MLLT3: variants seen among roughly 807,000 people sequenced by gnomAD.
MLLT3 encodes the protein MLLT3 super elongation complex subunit.
MLLT3 carries 4 observed loss-of-function variants against 53.2 expected under a neutral mutation model. The ratio of observed to expected loss-of-function variants is 0.08; its 90% CI spans 0.04 to 0.17. MLLT3 has a LOEUF of 0.17. MLLT3 is among the 10% of genes least tolerant of loss of function. The pLI is 1.00. For missense variants in MLLT3, 569 were observed against 684.0 expected, an observed-to-expected ratio of 0.83 and a Z score of 1.87; for synonymous variants, 283 against 230.6, an observed-to-expected ratio of 1.23 and a Z score of -2.06.
At chr9:20,355,752 C>T (rs1361197386) in intron 8 of MLLT3, among the ~76,000 whole-genome samples, 2 of 152,146 alleles carry the variant, frequency 1.3e-5, no homozygotes, top group Admixed American at 6.5e-5. Context: ...CATTATAACT[C>T]ATTATGAAGT....
intron 5 of MLLT3, among the ~76,000 whole-genome samples, chr9:20,387,898 T>C (rs990809136): frequency 6.6e-6 from 1 of 152,218 alleles, no homozygotes; most frequent in Non-Finnish European, 1.5e-5. Context: ...TTTAAATATC[T>C]GGAAGTTCCA....
chr9:20,580,797 C>G (rs1348105472), intron 2 of MLLT3, among the ~76,000 whole-genome samples: 2 of 152,218 alleles, frequency 1.3e-5, no homozygotes, highest in Non-Finnish European at 2.9e-5. Flanking sequence ...ACGTAGCATT[C>G]TAATCATACA....
rs1395517774 is a variant in MLLT3, at chr9:20,545,873, A to AT, written c.193+74780_193+74781insA. On this transcript the variant is annotated intron_variant, in intron 2 of 10. Coordinates refer to ENST00000380338, the MANE Select transcript of MLLT3 (RefSeq NM_004529.4). ...GTCTCTACCAAAAAAAAAAAAAAAAAAAAAATTAAAAATTAGCATCTCCAG... is the reference window on the plus strand; with the variant it reads ...GTCTCTACCAAAAAAAAAAAAAAAAATAAAAATTAAAAATTAGCATCTCCAG... 4.0e-5 allele frequency among the ~76,000 whole-genome samples: 6 copies of AT among 150,816 alleles called. No individual in the cohort carries two copies. In the East Asian group the frequency reaches 5.9e-4, roughly 15 times the overall value.
At chr9:20,461,029 CCTCTCCATCCACACATTACTA>C (rs1409659610) in intron 2 of MLLT3, among the ~76,000 whole-genome samples, 2 of 152,154 alleles carry the variant, frequency 1.3e-5, no homozygotes, top group Non-Finnish European at 1.5e-5. Context: ...CTCCCCTTCT[CCTCTCCATCCACACATTACTA>C]CCCATGTACT....
Position 20,346,396 on chromosome 9 carries a change from A to AAC in MLLT3, c.*46_*47insGT. The AAC allele has an allele frequency of 1.1e-6, 1 of 937,118 alleles. No individual in the cohort carries two copies. 58.1% of individuals were successfully genotyped at this position (937,118 alleles called of 1,614,324 possible). Reference sequence around the variant, plus strand: ...ATCACAACCAAAAAAAAAAAAAACCAAAAAAAAAAAACACAATAGTTCTTG... The same window carrying AAC: ...ATCACAACCAAAAAAAAAAAAAACCAACAAAAAAAAAAACACAATAGTTCTTG... On this transcript the variant is annotated 3_prime_UTR_variant, in exon 11 of 11. Coordinates refer to ENST00000380338, the MANE Select transcript of MLLT3 (RefSeq NM_004529.4).
rs139216686 is a variant in MLLT3, at chr9:20,344,843, A to C, written c.*1600T>G. ...CTAGTTAATCTCTGTATGAAAAGAC[A>C]GCATCTGGCATGGGAACAAACAAGG... On this transcript the variant is annotated 3_prime_UTR_variant, in exon 11 of 11. Coordinates refer to ENST00000380338, the MANE Select transcript of MLLT3 (RefSeq NM_004529.4). 4.7e-6 allele frequency: 1 copy of C among 210,738 alleles called. No homozygotes were observed. The highest frequency in any genetic ancestry group is 9.6e-6 in the Non-Finnish European group (1 of 103,826). The allele number at this position is 210,738 out of a possible 1,614,324, so 13.1% of individuals were successfully genotyped here.
chr9:20,412,294 AAAT>A (rs1389403311), intron 5 of MLLT3, among the ~76,000 whole-genome samples: 1 of 152,236 alleles, frequency 6.6e-6, no homozygotes, highest in Admixed American at 6.5e-5. Flanking sequence ...AAAGAAGGAA[AAAT>A]AAATACTTGA....
rs1820763060 is a variant in MLLT3, at chr9:20,342,620, C to T, written c.*3823G>A. On this transcript the variant is annotated 3_prime_UTR_variant, in exon 11 of 11. Coordinates refer to ENST00000380338, the MANE Select transcript of MLLT3 (RefSeq NM_004529.4). ...TTTTAAATTGACTTCTTCACTGCAT[C>T]TTTACAAGGAATATTCAGGGATGGC... 1 of 215,756 alleles carries T rather than the reference C, an allele frequency of 4.6e-6. No individual in the cohort carries two copies. Among genetic ancestry groups the T allele is most frequent in the African/African-American group, 2.3e-5 (1 of 44,174 alleles). 13.4% of individuals were successfully genotyped at this position (215,756 alleles called of 1,614,324 possible). A position where few individuals can be genotyped will look rare whatever the true frequency, so the allele number is the denominator to read the frequency against.
At chr9:20,568,593 G>A (rs1442867662) in intron 2 of MLLT3, among the ~76,000 whole-genome samples, 1 of 152,142 alleles carries the variant, frequency 6.6e-6, no homozygotes, top group Non-Finnish European at 1.5e-5. Context: ...AGTCCCCTGA[G>A]GGGTACACAC....
At chr9:20,581,719 C>T (rs972498886) in intron 2 of MLLT3, among the ~76,000 whole-genome samples, 4 of 152,130 alleles carry the variant, frequency 2.6e-5, no homozygotes, top group Admixed American at 6.5e-5. Context: ...GAACACTATG[C>T]AATTCTATCA....
intron 2 of MLLT3, among the ~76,000 whole-genome samples, chr9:20,552,395 T>C (rs1056126588): frequency 6.6e-6 from 1 of 152,076 alleles, no homozygotes; most frequent in African/African-American, 2.4e-5. Flanking sequence ...CCACCAAAAT[T>C]CAAGTTTTTG....
intron 2 of MLLT3, among the ~76,000 whole-genome samples, chr9:20,584,281 G>A (rs1184638548): frequency 1.3e-5 from 2 of 152,052 alleles, no homozygotes; most frequent in Admixed American, 6.6e-5. Context: ...CAGCATTTTC[G>A]TCAAAGCCAT....
chr9:20,352,019 C>T (rs1191200308), intron 10 of MLLT3, among the ~76,000 whole-genome samples: 1 of 152,242 alleles, frequency 6.6e-6, no homozygotes, highest in Non-Finnish European at 1.5e-5. Flanking sequence ...AGATATTACT[C>T]TCTCCCTCTA....
rs1193247371 is a variant in MLLT3, at chr9:20,372,612, G to A, written c.1126-6868C>T. ...TTTAGTAGAGACGGGGTTTCACTGT[G>A]TTAGCCAGGATGGTCTCGATCTCCT... On this transcript the variant is annotated intron_variant, in intron 5 of 10. Transcript: ENST00000380338. Among the ~76,000 whole-genome samples, 6 of 115,206 alleles carry A rather than the reference G, an allele frequency of 5.2e-5. No individual in the cohort carries two copies. The East Asian group carries it at 1.6e-3, about 31-fold the overall frequency. 75.6% of individuals were successfully genotyped at this position (115,206 alleles called of 152,430 possible). A position where few individuals can be genotyped will look rare whatever the true frequency, so the allele number is the denominator to read the frequency against.
At chr9:20,518,340 C>G (rs967444322) in intron 2 of MLLT3, among the ~76,000 whole-genome samples, 1 of 152,126 alleles carries the variant, frequency 6.6e-6, no homozygotes, top group Non-Finnish European at 1.5e-5. Flanking sequence ...AGCAAAAACT[C>G]CGTCTCAAAA....
chr9:20,593,413 T>C (rs1330923), intron 2 of MLLT3, among the ~76,000 whole-genome samples: 49,709 of 152,042 alleles, frequency 0.33, 8,306 homozygotes, highest in South Asian at 0.43. Context: ...TTATCTGAGA[T>C]TCCTTATGAA....
rs61527944 is a variant in MLLT3, at chr9:20,431,606, G to A, written c.420+16517C>T. ...GGGTACTTGATCATTATGGAAAACC[G>A]GTTTCTTACTATGGGTCACGGTCAT... is the stretch of plus-strand genomic sequence containing the variant. On this transcript the variant is annotated intron_variant, in intron 4 of 10. Transcript: ENST00000380338. Among the ~76,000 whole-genome samples the A allele has an allele frequency of 6.0e-3, 906 of 151,824 alleles. 5 individuals are homozygous for A. The highest frequency in any genetic ancestry group is 0.01 in the Non-Finnish European group (698 of 67,876).
At chr9:20,386,054 C>G (rs561617938) in intron 5 of MLLT3, among the ~76,000 whole-genome samples, 87 of 152,264 alleles carry the variant, frequency 5.7e-4, no homozygotes, top group African/African-American at 1.9e-3. Flanking sequence ...ACTGAATTCC[C>G]ATTTCCAATG....
chr9:20,596,606 G>A (rs961786017), intron 2 of MLLT3, among the ~76,000 whole-genome samples: 8 of 152,270 alleles, frequency 5.3e-5, no homozygotes, highest in African/African-American at 1.4e-4. Flanking sequence ...CATGAGAATC[G>A]CTTGAGCCCA....
Sources: allele counts gnomAD v4.1 joint callset (sites outside exome capture counted in the v4.1 genomes callset), GRCh38; gene constraint gnomAD v4.1.1; transcripts MANE v1.5; gene names NCBI Gene and HGNC (gene_info 2026-07-23, HGNC 2026-07-21).